Variants in UTRN observed in about 807,000 individuals in gnomAD.
UTRN encodes utrophin, also known as dystrophin-related protein 1.
A neutral mutation model predicts 463.9 loss-of-function variants in UTRN; 283 were observed. That is an observed-to-expected ratio of 0.61 (90% confidence interval 0.55 to 0.67). The LOEUF (loss-of-function observed/expected upper bound fraction) is 0.67. Among genes scored for constraint, UTRN ranks in the 30% least tolerant of loss-of-function variants. UTRN has a pLI of 0.00. For missense variants in UTRN, 3,922 were observed against 4,084.3 expected, an observed-to-expected ratio of 0.96 and a Z score of 1.08; for synonymous variants, 1,442 against 1,431.5, an observed-to-expected ratio of 1.01 and a Z score of -0.17.
chr6:144,528,569 G>A (rs1423741768), intron 41 of UTRN, among the ~76,000 whole-genome samples: 18 of 152,186 alleles, frequency 1.2e-4, no homozygotes, highest in Admixed American at 1.2e-3. Flanking sequence ...TTTATCTTCT[G>A]AAGCTAGCCA....
In UTRN at chr6:144,516,122, A is replaced by T. The variant is rs1017346609; in HGVS notation, c.5245-107A>T. ...AAAAGTTAGCTGAGCTGAATAGAAA[A>T]GTCAGTTAAAAAAGTGTTAGTTTCT... On this transcript the variant is annotated intron_variant, in intron 37 of 74. Coordinates refer to ENST00000367545, the MANE Select transcript of UTRN (RefSeq NM_007124.3). 7 of 1,120,892 alleles carry T rather than the reference A, an allele frequency of 6.2e-6. No individual in the cohort carries two copies. In the African/African-American group the frequency reaches 7.9e-5, roughly 13 times the overall value. 69.4% of individuals were successfully genotyped at this position (1,120,892 alleles called of 1,614,324 possible).
At position 144,429,709 on chromosome 6, in the gene UTRN, A is replaced by G; in HGVS notation, c.823A>G (p.Lys275Glu). Reference sequence around the variant, plus strand: ...AGAGACACTCCCAAGGAAATATAAAAAAGAATGTGAAGAAGAGGCAATTAA... The same window carrying G: ...AGAGACACTCCCAAGGAAATATAAAGAAGAATGTGAAGAAGAGGCAATTAA... The part of the protein sequence containing the change: ...EVETLPRKYK[K>E]ECEEEAINIQ... Residue 275 changes from lysine (K) to glutamate (E), a missense_variant, in exon 9 of 75, where the codon AAA becomes GAA. Around this residue, in one of 3 missense-constraint regions of UTRN, gnomAD observed 2,349 missense variants for 2,303.8 expected, o/e 1.02. Transcript: ENST00000367545. The G allele has an allele frequency of 6.2e-7, 1 of 1,612,036 alleles. No homozygotes were observed. The highest frequency in any genetic ancestry group is 1.7e-5 in the Admixed American group (1 of 59,476).
intron 51 of UTRN, among the ~76,000 whole-genome samples, chr6:144,672,178 A>G (rs1341277739): frequency 6.6e-6 from 1 of 151,900 alleles, no homozygotes; most frequent in East Asian, 1.9e-4. Context: ...TCGTAGAATG[A>G]TTTAGGGAGG....
chr6:144,841,839 C>T (rs534330328), intron 73 of UTRN, among the ~76,000 whole-genome samples: 151 of 152,138 alleles, frequency 9.9e-4, no homozygotes, highest in African/African-American at 3.4e-3. Context: ...AGGCTGGGCA[C>T]GGTGGCTCAC....
At chr6:144,314,469 C>G (rs1266837225) in intron 2 of UTRN, among the ~76,000 whole-genome samples, 1 of 152,226 alleles carries the variant, frequency 6.6e-6, no homozygotes, top group Admixed American at 6.5e-5. Flanking sequence ...GAAAGTCTAG[C>G]ACAAAAAGCT....
intron 66 of UTRN, among the ~76,000 whole-genome samples, chr6:144,823,274 C>T (rs910892881): frequency 4.0e-5 from 6 of 151,890 alleles, no homozygotes; most frequent in Admixed American, 1.3e-4. Context: ...ATATAGTGGG[C>T]AGGTTTTCTT....
intron 52 of UTRN, among the ~76,000 whole-genome samples, chr6:144,699,089 C>G (rs1277060324): frequency 6.6e-6 from 1 of 152,116 alleles, no homozygotes; most frequent in African/African-American, 2.4e-5. Flanking sequence ...TTGGTTACAA[C>G]AGAAGGAGTT....
chr6:144,577,055 A>G, intron 50 of UTRN, 44 bp from the exon 51 acceptor site: 1 of 1,580,736 alleles, frequency 6.3e-7, no homozygotes, highest in South Asian at 1.1e-5. Context: ...GAATGTCACA[A>G]CACTGTAAGT....
At chr6:144,412,329 A>G (rs1307477718) in intron 3 of UTRN, among the ~76,000 whole-genome samples, 1 of 152,154 alleles carries the variant, frequency 6.6e-6, no homozygotes. Context: ...TTGTTGTATA[A>G]TGGTTTAAAA....
chr6:144,629,119 G>C lies in UTRN; in HGVS notation c.7480-49287G>C, dbSNP rs540365232. Among the ~76,000 whole-genome samples the C allele has an allele frequency of 3.3e-5, 5 of 152,176 alleles. No homozygotes were observed. The East Asian group carries it at 9.6e-4, about 29-fold the overall frequency. ...TTCTTGAAAATCTTTCCCTTTGACT[G>C]TGACATACAAATCTTCATTGCTTAC... On this transcript the variant is annotated intron_variant, in intron 51 of 74. Transcript: ENST00000367545.
chr6:144,498,910 A>G (rs557606897), intron 33 of UTRN, among the ~76,000 whole-genome samples: 45 of 152,264 alleles, frequency 3.0e-4, no homozygotes, highest in African/African-American at 1.1e-3. Flanking sequence ...TGGACTCAAA[A>G]GATTTGCCTG....
intron 2 of UTRN, among the ~76,000 whole-genome samples, chr6:144,364,000 G>C (rs1179987325): frequency 6.6e-6 from 1 of 152,172 alleles, no homozygotes; most frequent in East Asian, 1.9e-4. Context: ...ATCTGTCAGA[G>C]GTGTTTAGGA....
chr6:144,521,929 TTTAAGAGATATATATATATA>T, intron 39 of UTRN, 31 bp from the exon 40 acceptor site: 1 of 1,110,528 alleles, frequency 9.0e-7, no homozygotes, highest in Non-Finnish European at 1.2e-6. Flanking sequence ...GTGGGGGTAT[TTTAAGAGATATATATATATA>T]TATATATTTT....
chr6:144,838,734 G>A (rs1001170927), intron 71 of UTRN, among the ~76,000 whole-genome samples: 1 of 152,220 alleles, frequency 6.6e-6, no homozygotes, highest in Non-Finnish European at 1.5e-5. Context: ...GAGTGGCAGA[G>A]TGGGAATTAG....
At chr6:144,593,474 G>A (rs2128632897) in intron 51 of UTRN, among the ~76,000 whole-genome samples, 1 of 152,280 alleles carries the variant, frequency 6.6e-6, no homozygotes, top group African/African-American at 2.4e-5. Flanking sequence ...ACCAATCAGA[G>A]GCTGAAGGTA....
In UTRN at chr6:144,748,393, T is replaced by C. The variant is rs1790989945; in HGVS notation, c.8087T>C (p.Leu2696Pro). 1.9e-6 allele frequency: 3 copies of C among 1,613,870 alleles called. No individual in the cohort carries two copies. Among genetic ancestry groups the C allele is most frequent in the Non-Finnish European group, 2.5e-6 (3 of 1,179,910 alleles). The change falls in exon 55 of 75, where the codon CTG (leucine) becomes CCG (proline). Residue 2696 changes from leucine (L) to proline (P), a missense_variant. Coordinates refer to ENST00000367545, the MANE Select transcript of UTRN (RefSeq NM_007124.3). Reference sequence around the variant, plus strand: ...AAGGCATTGGAGAAACTCAGAGACCTGCAGGGAGCTATGGATGACCTGGAC... The same window carrying C: ...AAGGCATTGGAGAAACTCAGAGACCCGCAGGGAGCTATGGATGACCTGGAC... The part of the protein sequence containing the change: ...VDKALEKLRD[L>P]QGAMDDLDAD...
chr6:144,418,469 C>T (rs963960295), intron 3 of UTRN, among the ~76,000 whole-genome samples: 4 of 151,798 alleles, frequency 2.6e-5, no homozygotes, highest in Non-Finnish European at 4.4e-5. Context: ...GTGGTCCGCC[C>T]GCCTCGGCCT....
chr6:144,812,913 G>A (rs963548177), intron 65 of UTRN, among the ~76,000 whole-genome samples: 6 of 151,822 alleles, frequency 4.0e-5, no homozygotes, highest in African/African-American at 9.7e-5. Flanking sequence ...ATTGTTTTAC[G>A]GCTACTTAAT....
chr6:144,784,663 G>GAATA (rs1230664039), intron 61 of UTRN, among the ~76,000 whole-genome samples: 1 of 152,194 alleles, frequency 6.6e-6, no homozygotes, highest in Non-Finnish European at 1.5e-5. Context: ...AGCCCAAAGG[G>GAATA]AATAGTGCCA....
Sources: allele counts gnomAD v4.1 joint callset (sites outside exome capture counted in the v4.1 genomes callset), GRCh38; gene constraint gnomAD v4.1.1; regional missense constraint gnomAD v4.1.1; transcripts MANE v1.5; gene names NCBI Gene and HGNC (gene_info 2026-07-23, HGNC 2026-07-21).